BAIAP2: variants seen among roughly 807,000 people sequenced by gnomAD.
The protein encoded by BAIAP2 is BAR/IMD domain-containing adapter protein 2.
BAIAP2 carries 18 observed loss-of-function variants against 63.0 expected under a neutral mutation model. The ratio of observed to expected loss-of-function variants is 0.29; its 90% CI spans 0.20 to 0.42. The LOEUF (loss-of-function observed/expected upper bound fraction) is 0.42, where lower values mean the gene tolerates loss of function less well. Among genes scored for constraint, BAIAP2 ranks in the 10% least tolerant of loss-of-function variants. The probability of loss-of-function intolerance (pLI) is 1.00; values close to 1 mark genes in which losing one functional copy is unlikely to be tolerated. For missense variants in BAIAP2, 610 were observed against 734.3 expected, an observed-to-expected ratio of 0.83 and a Z score of 1.96; for synonymous variants, 386 against 307.6, an observed-to-expected ratio of 1.25 and a Z score of -2.67.
chr17:81,062,231 A>G (rs2050678173), intron 3 of BAIAP2, among the ~76,000 whole-genome samples: 1 of 152,114 alleles, frequency 6.6e-6, no homozygotes, highest in African/African-American at 2.4e-5. Context: ...GATTACAGGC[A>G]TGAGCCATCG....
intron 1 of BAIAP2, among the ~76,000 whole-genome samples, chr17:81,038,790 T>G (rs906074446): frequency 2.0e-5 from 3 of 152,204 alleles, no homozygotes; most frequent in Admixed American, 1.3e-4. Context: ...AGCTTCTTCC[T>G]GGGGTGTGCA....
chr17:81,085,453 T>C (rs529002451), intron 4 of BAIAP2: 11 of 694,798 alleles, frequency 1.6e-5, no homozygotes, highest in Non-Finnish European at 2.6e-5. Flanking sequence ...CGTTCCAGAC[T>C]CCTGTTCAGC....
rs547008507 is a variant in BAIAP2 at position 81,076,843 on chromosome 17, C to T, written c.218-7989C>T. ...AAAATGATCTGGGCATGGTGGCACA[C>T]CCCTGTAGTCCCAGCTCCTCGAGAG... On this transcript the variant is annotated intron_variant, in intron 3 of 13. Coordinates refer to ENST00000428708, the MANE Select transcript of BAIAP2 (RefSeq NM_001144888.2). 7.1e-4 allele frequency among the ~76,000 whole-genome samples: 108 copies of T among 152,258 alleles called. 1 individual carries two copies. Among genetic ancestry groups the T allele is most frequent in the African/African-American group, 2.3e-3 (97 of 41,548 alleles).
At chr17:81,093,205 C>T (rs1444819865) in intron 6 of BAIAP2, among the ~76,000 whole-genome samples, 3 of 152,034 alleles carry the variant, frequency 2.0e-5, no homozygotes, top group African/African-American at 7.2e-5. Context: ...AACCCATGTG[C>T]ACTGAGGGTG....
At chr17:81,049,410 G>A (rs1483952575) in intron 1 of BAIAP2, among the ~76,000 whole-genome samples, 1 of 152,226 alleles carries the variant, frequency 6.6e-6, no homozygotes, top group Non-Finnish European at 1.5e-5. Flanking sequence ...GCGCCTCTGA[G>A]GGCTTGAGGT....
rs1168863967 is a variant in BAIAP2, at chr17:81,106,752, C to T, written c.1345C>T (p.Gln449Ter). 6.2e-7 allele frequency: 1 copy of T among 1,612,506 alleles called. No individual in the cohort carries two copies. Among genetic ancestry groups the T allele is most frequent in the Non-Finnish European group, 8.5e-7 (1 of 1,179,788 alleles). Residue 449 changes from glutamine to a stop codon, truncating the protein, a stop_gained, in exon 12 of 14, where the codon CAA (glutamine) becomes TAA (stop). Transcript: ENST00000428708. LOFTEE classifies it high-confidence loss of function. ...GAGTCCCTGTCCCTACAGCCTGCAG[C>T]AAGGGAAGAGCAGCAGCACGGGCAA... ...GSDRLHMSLQQGKSSSTGNLL... is the reference protein window; with the variant it reads ...GSDRLHMSLQ
intron 1 of BAIAP2, 47 bp from the exon 2 acceptor site, chr17:81,053,621 A>G (rs766267572): frequency 2.5e-6 from 4 of 1,605,862 alleles, no homozygotes; most frequent in Non-Finnish European, 3.4e-6. Context: ...CGGAGTCACC[A>G]GGGTGACCTC....
chr17:81,069,552 C>T (rs1009553143), intron 3 of BAIAP2, among the ~76,000 whole-genome samples: 3 of 152,204 alleles, frequency 2.0e-5, no homozygotes, highest in Admixed American at 6.5e-5. Flanking sequence ...GCTTCAAGGA[C>T]GCCTGCTGGG....
chr17:81,067,268 C>A (rs1482548454), intron 3 of BAIAP2, among the ~76,000 whole-genome samples: 1 of 152,248 alleles, frequency 6.6e-6, no homozygotes, highest in Admixed American at 6.5e-5. Flanking sequence ...AGGACGCTGC[C>A]CTGGGCCCTG....
intron 3 of BAIAP2, among the ~76,000 whole-genome samples, chr17:81,082,071 G>A (rs2054708339): frequency 1.3e-5 from 2 of 152,040 alleles, no homozygotes; most frequent in East Asian, 1.9e-4. Context: ...TCCTGGCCCC[G>A]GGGCCAGCGT....
intron 1 of BAIAP2, among the ~76,000 whole-genome samples, chr17:81,044,896 G>A (rs1598496159): frequency 6.6e-6 from 1 of 152,158 alleles, no homozygotes; most frequent in South Asian, 2.1e-4. Context: ...TCCCGTGTGG[G>A]CCGGACACCC....
chr17:81,080,003 C>T (rs570493644), intron 3 of BAIAP2, among the ~76,000 whole-genome samples: 2 of 152,314 alleles, frequency 1.3e-5, no homozygotes, highest in South Asian at 2.1e-4. Context: ...AAGGGAGGCT[C>T]TCAACGGCTG....
In BAIAP2 at chr17:81,108,527, C is replaced by G. The variant is rs770079243; in HGVS notation, c.1535+18C>G. 1.9e-6 allele frequency: 3 copies of G among 1,613,870 alleles called. No individual in the cohort carries two copies. Among genetic ancestry groups the G allele is most frequent in the Non-Finnish European group, 2.5e-6 (3 of 1,180,000 alleles). On this transcript the variant is annotated intron_variant, in intron 13 of 13. Transcript: ENST00000428708. ...ATGAGCAGGTAAGGGGACTTTCAGACCTGTCTTTGGGACCGTGGGTGGGTG... is the reference window on the plus strand; with the variant it reads ...ATGAGCAGGTAAGGGGACTTTCAGAGCTGTCTTTGGGACCGTGGGTGGGTG...
At chr17:81,069,360 A>AG (rs1336033342) in intron 3 of BAIAP2, among the ~76,000 whole-genome samples, 1 of 152,098 alleles carries the variant, frequency 6.6e-6, no homozygotes, top group Non-Finnish European at 1.5e-5. Context: ...CCAAGTACCG[A>AG]GGGGCGGCGC....
At chr17:81,110,098 C>T (rs1251563454) in intron 13 of BAIAP2, 21 of 985,246 alleles carry the variant, frequency 2.1e-5, no homozygotes, top group Non-Finnish European at 2.3e-5. Flanking sequence ...GAGTGCAGGG[C>T]ACAGCCCGGC....
At chr17:81,074,635 G>A (rs932681765) in intron 3 of BAIAP2, among the ~76,000 whole-genome samples, 10 of 148,506 alleles carry the variant, frequency 6.7e-5, no homozygotes, top group African/African-American at 1.3e-4. Flanking sequence ...GTGCGTGCAC[G>A]GATGCGTTGA....
At chr17:81,041,076 T>C (rs1182818012) in intron 1 of BAIAP2, among the ~76,000 whole-genome samples, 1 of 152,218 alleles carries the variant, frequency 6.6e-6, no homozygotes, top group Non-Finnish European at 1.5e-5. Context: ...TTAACCCCCA[T>C]CTGCCCCTGG....
chr17:81,073,351 G>A (rs1451982627), intron 3 of BAIAP2, among the ~76,000 whole-genome samples: 1 of 152,168 alleles, frequency 6.6e-6, no homozygotes, highest in African/African-American at 2.4e-5. Context: ...CCGGGGTGGG[G>A]AGGTGGAGGC....
In BAIAP2 at chr17:81,116,132, TG is replaced by T; in HGVS notation, c.*294del. 6.3e-7 allele frequency: 1 copy of T among 1,584,306 alleles called. No homozygotes were observed. The highest frequency in any genetic ancestry group is 8.6e-7 in the Non-Finnish European group (1 of 1,165,850). Reference sequence around the variant, plus strand: ...ATGGCCATGGAGCCTTGGGTACCCCTGAGTTAAGGGAGGACATTTGGCCAGC... The same window carrying T: ...ATGGCCATGGAGCCTTGGGTACCCCTAGTTAAGGGAGGACATTTGGCCAGC... On this transcript the variant is annotated 3_prime_UTR_variant, in exon 14 of 14. Coordinates refer to ENST00000428708, the MANE Select transcript of BAIAP2 (RefSeq NM_001144888.2).
Sources: allele counts gnomAD v4.1 joint callset (sites outside exome capture counted in the v4.1 genomes callset), GRCh38; gene constraint gnomAD v4.1.1; transcripts MANE v1.5; gene names NCBI Gene and HGNC (gene_info 2026-07-23, HGNC 2026-07-21).